The following NAGK variants were observed in gnomAD, a reference collection of about 807,000 sequenced individuals.
NAGK encodes N-acetylglucosamine kinase, also known as N-acetyl-D-glucosamine kinase.
In NAGK, 35 loss-of-function variants were observed where a neutral mutation model predicts 42.9. The ratio of observed to expected loss-of-function variants is 0.82; its 90% confidence interval spans 0.62 to 1.08. NAGK has a LOEUF of 1.08. NAGK is among the 50% of genes least tolerant of loss of function. NAGK has a pLI of 0.00. For synonymous variants in NAGK, 172 were observed against 176.0 expected (o/e 0.98, Z 0.18); for missense variants, 446 against 446.0 (o/e 1.00, Z 0.00).
Position 71,071,787 on chromosome 2 carries a change from C to T in NAGK, c.315C>T (p.Thr105=). 6.2e-7 allele frequency: 1 copy of T among 1,614,186 alleles called. No individual in the cohort carries two copies. Among genetic ancestry groups the T allele is most frequent in the Non-Finnish European group, 8.5e-7 (1 of 1,180,034 alleles). Residue 105 remains threonine (T), a synonymous_variant, in exon 4 of 10, where the codon ACC becomes ACT. Transcript: ENST00000244204. The part of the protein sequence containing the change: ...FPYLSESYLI[T]TDAAGSIATA... ...ACCTGAGTGAAAGCTACTTAATCAC[C>T]ACCGATGCCGCCGGCTCCATCGCCA...
rs752159427 is a variant in NAGK at position 71,071,766 on chromosome 2, G to A, written c.294G>A (p.Leu98=). ...AGCTGAGGGACCGATTTCCCTACCT[G>A]AGTGAAAGCTACTTAATCACCACCG... ...IEELRDRFPY[L]SESYLITTDA... is the part of the protein sequence containing the mutation. Residue 98 remains leucine (L), a synonymous_variant, in exon 4 of 10, where the codon CTG becomes CTA. Coordinates refer to ENST00000244204, the MANE Select transcript of NAGK (RefSeq NM_017567.6). The A allele has an allele frequency of 1.2e-6, 2 of 1,614,212 alleles. No homozygotes were observed. The highest frequency in any genetic ancestry group is 4.5e-5 in the East Asian group (2 of 44,892).
At position 71,070,578 on chromosome 2, in the gene NAGK, A is replaced by G. The variant is rs928462515; in HGVS notation, c.106A>G (p.Asn36Asp). ...GGCAGAAGCAGATGGACTGAGCACAAACCACTGGGTAAAAACCACACTGAG... is the reference window on the plus strand; with the variant it reads ...GGCAGAAGCAGATGGACTGAGCACAGACCACTGGGTAAAAACCACACTGAG... Reference protein sequence around the residue: ...ILAEADGLSTNHWLIGTDKCV... With the variant: ...ILAEADGLSTDHWLIGTDKCV... Residue 36 changes from asparagine to aspartate, a missense_variant, in exon 2 of 10, where the codon AAC becomes GAC. Coordinates refer to ENST00000244204, the MANE Select transcript of NAGK (RefSeq NM_017567.6). 6 of 1,613,720 alleles carry G rather than the reference A, an allele frequency of 3.7e-6. No individual in the cohort carries two copies. Among genetic ancestry groups the G allele is most frequent in the Non-Finnish European group, 4.2e-6 (5 of 1,179,748 alleles).
At chr2:71,076,506 C>G (rs1558730234) in intron 7 of NAGK, 98 bp from the exon 8 acceptor site, 3 of 952,644 alleles carry the variant, frequency 3.1e-6, no homozygotes, top group Non-Finnish European at 4.8e-6. Context: ...GCTCAGGGTG[C>G]TCCTGTGATG....
chr2:71,070,508 C>T lies in NAGK; in HGVS notation c.36C>T (p.Gly12=). Residue 12 remains glycine, a synonymous_variant, in exon 2 of 10, where the codon GGC becomes GGT. Transcript: ENST00000244204. ...AAIYGGVEGG[G]TRSEVLLVSE... ...GCCCTCTTGTGTTCTGTAGGGGAGG[C>T]ACACGATCCGAGGTCCTTTTAGTCT... is the stretch of plus-strand genomic sequence containing the variant. 1 of 1,613,732 alleles carries T rather than the reference C, an allele frequency of 6.2e-7. No homozygotes were observed. Among genetic ancestry groups the T allele is most frequent in the Non-Finnish European group, 8.5e-7 (1 of 1,179,762 alleles).
At chr2:71,076,551 T>C in intron 7 of NAGK, 53 bp from the exon 8 acceptor site, 1 of 1,420,532 alleles carries the variant, frequency 7.0e-7, no homozygotes, top group African/African-American at 1.4e-5. Context: ...AGCCCAGGAA[T>C]GGCAGCTCCC....
At chr2:71,068,844 G>C in intron 1 of NAGK, 132 bp downstream of exon 1, 1 of 1,386,592 alleles carries the variant, frequency 7.2e-7, no homozygotes, top group East Asian at 3.1e-5. Context: ...GTGAAGAGGT[G>C]TGTGCACGCG....
At chr2:71,070,444 C>T in intron 1 of NAGK, 58 bp from the exon 2 acceptor site, 1 of 1,477,062 alleles carries the variant, frequency 6.8e-7, no homozygotes, top group Non-Finnish European at 9.4e-7. Flanking sequence ...ACAGCACAAG[C>T]TTAGCTCTCT....
intron 6 of NAGK, chr2:71,075,258 G>GA (rs929890656): frequency 0.027 from 6,317 of 232,170 alleles, 1 homozygote; most frequent in Middle Eastern, 0.048. Flanking sequence ...CCCTAAAAAG[G>GA]AAAAAAAAAA....
At chr2:71,076,190 G>A (rs113616980) in intron 7 of NAGK, 2,229 of 184,968 alleles carry the variant, frequency 0.012, 48 homozygotes, top group African/African-American at 0.049. Context: ...ACCAACAGCA[G>A]ACTGTTAGAA....
chr2:71,073,691 C>G, intron 6 of NAGK, 97 bp downstream of exon 6: 1 of 1,019,028 alleles, frequency 9.8e-7, no homozygotes, highest in Admixed American at 1.7e-5. Flanking sequence ...GGCGGACCGG[C>G]AGGAAATAGG....
At chr2:71,072,273 A>T (rs13003421) in intron 4 of NAGK, 37,993 of 266,368 alleles carry the variant, frequency 0.14, 2,949 homozygotes, top group Middle Eastern at 0.18. Context: ...AAAATAGAGG[A>T]AGTTGTATTC....
intron 3 of NAGK, chr2:71,071,195 G>T: frequency 2.9e-6 from 1 of 345,376 alleles, no homozygotes; most frequent in East Asian, 6.3e-5. Flanking sequence ...AAGTAAAATG[G>T]CATGATACAT....
chr2:71,078,190 C>G (rs1230384082), intron 9 of NAGK, 128 bp from the exon 10 acceptor site: 1 of 875,212 alleles, frequency 1.1e-6, no homozygotes, highest in Non-Finnish European at 1.8e-6. Context: ...GGGCACTTGG[C>G]ATGTAGGCCC....
intron 4 of NAGK, 70 bp downstream of exon 4, chr2:71,071,897 C>A: frequency 6.4e-7 from 1 of 1,570,536 alleles, no homozygotes; most frequent in Non-Finnish European, 8.7e-7. Context: ...ATATAGCTGA[C>A]AAAACTTGTT....
At chr2:71,068,638 G>A, upstream of NAGK, 4 of 1,523,322 alleles carry the variant, frequency 2.6e-6, no homozygotes, top group Non-Finnish European at 3.5e-6. Context: ...GGTGTCAGGC[G>A]GGGAGAGACG....
intron 1 of NAGK, chr2:71,070,179 G>T: frequency 3.4e-6 from 1 of 297,586 alleles, no homozygotes; most frequent in East Asian, 8.4e-5. Flanking sequence ...TAACTTTGGA[G>T]GCACTATGAA....
intron 6 of NAGK, chr2:71,075,179 A>T (rs1307531500): frequency 5.8e-6 from 1 of 171,340 alleles, no homozygotes; most frequent in African/African-American, 2.4e-5. Context: ...GAGCACCCCA[A>T]CCCAGCTACT....
intron 5 of NAGK, 129 bp from the exon 6 acceptor site, chr2:71,073,353 G>T: frequency 4.0e-5 from 13 of 325,188 alleles, no homozygotes; most frequent in South Asian, 1.0e-4. Flanking sequence ...TGCCACCCCT[G>T]GCTGGGAATC....
At position 71,075,592 on chromosome 2, in the gene NAGK, G is replaced by C; in HGVS notation, c.617G>C (p.Arg206Thr). 5 of 1,614,126 alleles carry C rather than the reference G, an allele frequency of 3.1e-6. No individual in the cohort carries two copies. The highest frequency in any genetic ancestry group is 4.2e-6 in the Non-Finnish European group (5 of 1,179,988). The stretch of plus-strand genomic sequence containing the variant: ...CTAGGGATACTCACTCACCTGTATA[G>C]GGACTTTGATAAATGCAGGTTTGCT... ...DRLGILTHLY[R>T]DFDKCRFAGF... Residue 206 changes from arginine to threonine, a missense_variant, in exon 7 of 10, where the codon AGG becomes ACG. By Grantham distance (71) the Arg-to-Thr change is moderately conservative. Coordinates refer to ENST00000244204, the MANE Select transcript of NAGK (RefSeq NM_017567.6).
Sources: gnomAD v4.1 joint callset for allele counts on GRCh38, gnomAD v4.1.1 for gene constraint, MANE v1.5 for transcripts, NCBI Gene and HGNC (gene_info 2026-07-23, HGNC 2026-07-21) for gene names.